CUL4A: variants seen among roughly 807,000 people sequenced by gnomAD.
CUL4A encodes the protein cullin 4A, also known as cullin-4A.
CUL4A carries 16 observed loss-of-function variants against 95.5 expected under a neutral mutation model. That is an observed-to-expected ratio of 0.17 (90% CI 0.11 to 0.25). The LOEUF (loss-of-function observed/expected upper bound fraction) is 0.25. Among genes scored for constraint, CUL4A ranks in the 10% least tolerant of loss-of-function variants. The pLI is 1.00. For missense variants in CUL4A, 610 were observed against 937.0 expected, an observed-to-expected ratio of 0.65 and a Z score of 4.56; for synonymous variants, 380 against 353.1, an observed-to-expected ratio of 1.08 and a Z score of -0.85.
chr13:113,244,330 C>T, intron 11 of CUL4A, 80 bp from the exon 12 acceptor site: 1 of 997,406 alleles, frequency 1.0e-6, no homozygotes, highest in Non-Finnish European at 1.5e-6. Flanking sequence ...CCAGAATGTT[C>T]CTGTACAATG....
At chr13:113,208,245 A>ACAGCGGGCCCTCGGCGTGGC (rs1362297070), upstream of CUL4A, 29 of 1,448,614 alleles carry the variant, frequency 2.0e-5, no homozygotes, top group Middle Eastern at 5.1e-4. Flanking sequence ...AGCACCGCCC[A>ACAGCGGGCCCTCGGCGTGGC]CAGCGGGCCC....
intron 15 of CUL4A, among the ~76,000 whole-genome samples, chr13:113,252,314 G>A (rs1401241194): frequency 3.9e-5 from 6 of 152,102 alleles, no homozygotes; most frequent in African/African-American, 1.4e-4. Flanking sequence ...GGCAGGAGGA[G>A]CGCTTGGGCC....
chr13:113,237,471 A>C (rs1355766565), intron 9 of CUL4A, among the ~76,000 whole-genome samples: 1 of 152,216 alleles, frequency 6.6e-6, no homozygotes, highest in Non-Finnish European at 1.5e-5. Context: ...GGCCATAGGA[A>C]GGTGGCTTCT....
intron 8 of CUL4A, among the ~76,000 whole-genome samples, chr13:113,235,485 TTTTA>T: frequency 6.6e-6 from 1 of 152,362 alleles, no homozygotes; most frequent in East Asian, 1.9e-4. Context: ...ATCGCTTTAA[TTTTA>T]TTTATGGTGC....
At chr13:113,218,697 G>A (rs1042558178) in intron 2 of CUL4A, among the ~76,000 whole-genome samples, 1 of 152,176 alleles carries the variant, frequency 6.6e-6, no homozygotes, top group Admixed American at 6.5e-5. Context: ...AGGTCCAGCA[G>A]GTGCAATGTG....
intron 15 of CUL4A, among the ~76,000 whole-genome samples, chr13:113,247,470 A>T (rs974465265): frequency 4.6e-5 from 7 of 152,184 alleles, no homozygotes; most frequent in Non-Finnish European, 7.3e-5. Flanking sequence ...TAGTTCAGAG[A>T]ACTTCTTAAT....
chr13:113,251,498 C>G (rs3850451), intron 15 of CUL4A, among the ~76,000 whole-genome samples: 30,271 of 151,504 alleles, frequency 0.2, 3,797 homozygotes, highest in South Asian at 0.43. Flanking sequence ...GTGTTCCTGC[C>G]CAAATCTCAT....
At chr13:113,208,411 G>A (rs61235868), upstream of CUL4A, 1,814 of 1,481,782 alleles carry the variant, frequency 1.2e-3, 25 homozygotes, top group African/African-American at 0.023. Context: ...CTGCAGGGGA[G>A]AACTCGGGCC....
rs9577483 is a variant in CUL4A at position 113,240,449 on chromosome 13, C to T, written c.1035+898C>T. On this transcript the variant is annotated intron_variant, in intron 10 of 19. Coordinates refer to ENST00000375440, the MANE Select transcript of CUL4A (RefSeq NM_001008895.4). ...GACATCAGGGCCCCTTCACAGATAG[C>T]TCGTGTTTTCAGGATGTGCCAGTTG... Among the ~76,000 whole-genome samples the T allele has an allele frequency of 0.015, 2,341 of 152,290 alleles. 160 individuals are homozygous for T. The East Asian group carries it at 0.2, about 13-fold the overall frequency.
chr13:113,237,523 G>C (rs2041585472), intron 9 of CUL4A, among the ~76,000 whole-genome samples: 1 of 152,126 alleles, frequency 6.6e-6, no homozygotes, highest in African/African-American at 2.4e-5. Context: ...GTCTTACCTC[G>C]ATCTTTGTTT....
intron 7 of CUL4A, among the ~76,000 whole-genome samples, chr13:113,234,654 C>T (rs572327311): frequency 1.6e-4 from 24 of 152,294 alleles, no homozygotes; most frequent in African/African-American, 5.8e-4. Context: ...TTGGTGTCCC[C>T]CAAATGAACA....
At chr13:113,225,470 G>T (rs969324328) in intron 3 of CUL4A, among the ~76,000 whole-genome samples, 1 of 152,204 alleles carries the variant, frequency 6.6e-6, no homozygotes, top group Non-Finnish European at 1.5e-5. Flanking sequence ...TTTAGAGGAA[G>T]TATTTCTCAT....
intron 15 of CUL4A, among the ~76,000 whole-genome samples, chr13:113,246,345 C>T (rs896317078): frequency 2.6e-5 from 4 of 152,290 alleles, no homozygotes; most frequent in Non-Finnish European, 4.4e-5. Context: ...AGCTGCGGTT[C>T]TTGTCTGGTT....
upstream of CUL4A, among the ~76,000 whole-genome samples, chr13:113,209,178 G>A (rs1291572739): frequency 6.6e-6 from 1 of 150,594 alleles, no homozygotes; most frequent in African/African-American, 2.4e-5. Flanking sequence ...CGCCCGGGGT[G>A]GGGGTGCCGA....
chr13:113,254,232 G>A (rs891345218), intron 16 of CUL4A, among the ~76,000 whole-genome samples: 6 of 152,154 alleles, frequency 3.9e-5, no homozygotes, highest in African/African-American at 1.4e-4. Context: ...GTGGCAAGTT[G>A]CTGCAGCACT....
At chr13:113,214,128 G>A (rs995319540) in intron 2 of CUL4A, among the ~76,000 whole-genome samples, 1 of 152,182 alleles carries the variant, frequency 6.6e-6, no homozygotes, top group African/African-American at 2.4e-5. Flanking sequence ...GTTTGGTTTC[G>A]TGTTTGGTTT....
At chr13:113,223,568 T>C (rs2040984522) in intron 3 of CUL4A, among the ~76,000 whole-genome samples, 2 of 152,202 alleles carry the variant, frequency 1.3e-5, no homozygotes, top group Admixed American at 1.3e-4. Context: ...TGGCTAATTT[T>C]GTATTTTTAG....
At chr13:113,236,207 A>G (rs1407556852) in intron 8 of CUL4A, among the ~76,000 whole-genome samples, 1 of 152,134 alleles carries the variant, frequency 6.6e-6, no homozygotes, top group Admixed American at 6.5e-5. Flanking sequence ...GGTCACTTAG[A>G]CGTGTGGAGT....
intron 10 of CUL4A, among the ~76,000 whole-genome samples, chr13:113,241,511 CTTTTTTTTT>C: frequency 8.3e-6 from 1 of 120,076 alleles, no homozygotes; most frequent in East Asian, 2.7e-4. Flanking sequence ...CTGTTGGCAT[CTTTTTTTTT>C]TTTTTTTTTT....
Sources: allele counts gnomAD v4.1 joint callset (sites outside exome capture counted in the v4.1 genomes callset), GRCh38; gene constraint gnomAD v4.1.1; transcripts MANE v1.5; gene names NCBI Gene and HGNC (gene_info 2026-07-23, HGNC 2026-07-21).